The following FAM156A variants were observed in gnomAD, a reference collection of about 807,000 sequenced individuals.
The protein encoded by FAM156A is protein FAM156A/FAM156B.
At chrX:52,990,342 T>A (rs1275435098) in intron 1 of FAM156A, among the ~76,000 whole-genome samples, 1 of 111,473 alleles carries the variant, frequency 9.0e-6, no homozygotes, top group Non-Finnish European at 1.9e-5. Context: ...AAGGTCACTT[T>A]GACTTAGCAG....
At chrX:52,992,564 G>A (rs1439061356) in intron 1 of FAM156A, among the ~76,000 whole-genome samples, 3 of 110,289 alleles carry the variant, frequency 2.7e-5, no homozygotes. Context: ...ACACTCACGC[G>A]ACTCCCACTT....
intron 1 of FAM156A, among the ~76,000 whole-genome samples, chrX:52,994,796 G>A (rs980712518): frequency 2.7e-5 from 3 of 110,756 alleles, no homozygotes; most frequent in Non-Finnish European, 5.7e-5. Flanking sequence ...TCAACATAGC[G>A]AGACTCCATA....
At chrX:52,988,177 T>C (rs1930435187) in intron 1 of FAM156A, among the ~76,000 whole-genome samples, 2 of 104,755 alleles carry the variant, frequency 1.9e-5, no homozygotes, top group South Asian at 8.5e-4. Context: ...ACCCGGGAGA[T>C]GGAGGTTGCA....
At chrX:52,992,791 C>T (rs1213863508) in intron 1 of FAM156A, among the ~76,000 whole-genome samples, 1 of 111,513 alleles carries the variant, frequency 9.0e-6, no homozygotes, top group African/African-American at 3.3e-5. Context: ...CTGCCTCTCT[C>T]TTCCATCCCA....
intron 1 of FAM156A, among the ~76,000 whole-genome samples, chrX:52,993,785 A>G (rs1556796110): frequency 9.0e-6 from 1 of 111,678 alleles, no homozygotes; most frequent in African/African-American, 3.3e-5. Context: ...ACTCTATGCT[A>G]TCAGGGATGT....
chrX:52,978,751 T>C (rs1416301217), intron 1 of FAM156A, among the ~76,000 whole-genome samples: 1 of 112,266 alleles, frequency 8.9e-6, no homozygotes, highest in Non-Finnish European at 1.9e-5. Flanking sequence ...GTCATTACCA[T>C]AACAGGCAGC....
intron 1 of FAM156A, among the ~76,000 whole-genome samples, chrX:52,975,957 G>A (rs1929437745): frequency 9.0e-6 from 1 of 111,312 alleles, no homozygotes; most frequent in Non-Finnish European, 1.9e-5. Flanking sequence ...ATGCCTGGGG[G>A]TCTTCAGCTA....
intron 1 of FAM156A, among the ~76,000 whole-genome samples, chrX:52,978,374 G>A (rs1191907272): frequency 1.8e-5 from 2 of 111,853 alleles, no homozygotes; most frequent in East Asian, 5.6e-4. Flanking sequence ...ATATGCCAGG[G>A]ACTGTCCAGA....
At chrX:52,974,866 G>A (rs782795360) in intron 1 of FAM156A, among the ~76,000 whole-genome samples, 56 of 110,395 alleles carry the variant, frequency 5.1e-4, no homozygotes, top group African/African-American at 1.6e-3. Context: ...GCTGGGTTCC[G>A]AAAGGGACTA....
At chrX:52,991,730 G>A (rs1234508016) in intron 1 of FAM156A, among the ~76,000 whole-genome samples, 1 of 111,767 alleles carries the variant, frequency 8.9e-6, no homozygotes, top group African/African-American at 3.3e-5. Context: ...CCAAGGAAGA[G>A]GGTAAGTGGT....
rs1185940883 is a variant in FAM156A at position 52,973,631 on chromosome X, C to A, written c.-433-9396G>T. ...ATTTGGATCTACACACAGAACTTCACAGTACTGGACACGGAACAATTGTGG... is the reference window on the plus strand; with the variant it reads ...ATTTGGATCTACACACAGAACTTCAAAGTACTGGACACGGAACAATTGTGG... On this transcript the variant is annotated intron_variant, in intron 1 of 4. Transcript: ENST00000610625. Among the ~76,000 whole-genome samples the A allele has an allele frequency of 2.7e-5, 3 of 111,971 alleles. No individual in the cohort carries two copies. In the East Asian group the frequency reaches 8.3e-4, roughly 31 times the overall value.
intron 1 of FAM156A, among the ~76,000 whole-genome samples, chrX:52,990,563 C>G (rs186678798): frequency 7.6e-4 from 84 of 110,766 alleles, no homozygotes; most frequent in African/African-American, 2.7e-3. Context: ...GCGGGTGGAT[C>G]ACTTGAGGTC....
chrX:52,976,896 C>T (rs1556792360), intron 1 of FAM156A, among the ~76,000 whole-genome samples: 1 of 109,774 alleles, frequency 9.1e-6, no homozygotes. Context: ...ATGTTATCAT[C>T]CCTTATTACA....
chrX:52,978,560 C>G (rs1167749724), intron 1 of FAM156A, among the ~76,000 whole-genome samples: 3 of 112,652 alleles, frequency 2.7e-5, no homozygotes, highest in Non-Finnish European at 5.6e-5. Flanking sequence ...ATCGCGAAAA[C>G]TCTACTGTGC....
chrX:52,975,051 TACACACACACACACACACACAC>T (rs61081750), intron 1 of FAM156A, among the ~76,000 whole-genome samples: 1 of 83,670 alleles, frequency 1.2e-5, no homozygotes, highest in South Asian at 7.3e-4. Context: ...GTTAAACACA[TACACACACACACACACACACAC>T]ACACACACAC....
At chrX:52,989,732 G>C (rs1171697583) in intron 1 of FAM156A, among the ~76,000 whole-genome samples, 5 of 112,051 alleles carry the variant, frequency 4.5e-5, no homozygotes, top group Middle Eastern at 4.6e-3. Flanking sequence ...GAGAGGACAG[G>C]GTGGAGGCGG....
At chrX:52,979,731 C>T (rs185520097) in intron 1 of FAM156A, among the ~76,000 whole-genome samples, 54 of 111,801 alleles carry the variant, frequency 4.8e-4, no homozygotes, top group African/African-American at 1.7e-3. Flanking sequence ...AATGAAGCTT[C>T]ACCACACACC....
chrX:52,983,348 A>G (rs1930033982), intron 1 of FAM156A, among the ~76,000 whole-genome samples: 1 of 111,408 alleles, frequency 9.0e-6, no homozygotes, highest in Non-Finnish European at 1.9e-5. Flanking sequence ...TTTCACATCA[A>G]TTTTATCATA....
chrX:52,977,244 C>T (rs1929555894), intron 1 of FAM156A, among the ~76,000 whole-genome samples: 1 of 108,041 alleles, frequency 9.3e-6, no homozygotes, highest in Non-Finnish European at 1.9e-5. Context: ...GCTTTCTGCT[C>T]TTCCCCATTA....
Sources: gnomAD v4.1 joint callset for allele counts (sites outside exome capture counted in the v4.1 genomes callset) on GRCh38, gnomAD v4.1.1 for gene constraint, MANE v1.5 for transcripts, NCBI Gene and HGNC (gene_info 2026-07-23, HGNC 2026-07-21) for gene names.